Variants in DGKB observed in about 807,000 individuals in gnomAD.
The protein encoded by DGKB is 90 kDa diacylglycerol kinase.
Under a neutral mutation model 114.3 loss-of-function variants are expected in DGKB, and 67 were observed. The ratio of observed to expected loss-of-function variants is 0.59; its 90% CI spans 0.48 to 0.72. The LOEUF (loss-of-function observed/expected upper bound fraction) is 0.72, where lower values mean the gene tolerates loss of function less well. Ranked by LOEUF, DGKB falls within the 30% of genes least tolerant of loss-of-function variation. The probability of loss-of-function intolerance (pLI) is 0.00; values close to 1 mark genes in which losing one functional copy is unlikely to be tolerated. For missense variants in DGKB, 907 were observed against 975.2 expected, an observed-to-expected ratio of 0.93 and a Z score of 0.93; for synonymous variants, 398 against 323.1, an observed-to-expected ratio of 1.23 and a Z score of -2.49.
intron 23 of DGKB, among the ~76,000 whole-genome samples, chr7:14,323,573 G>A (rs776362335): frequency 6.6e-6 from 1 of 152,202 alleles, no homozygotes; most frequent in Non-Finnish European, 1.5e-5. Context: ...TGACCTGAAA[G>A]AAGCAAGTGA....
In DGKB at chr7:14,730,701, G is replaced by A. The variant is rs930189725; in HGVS notation, c.322+5340C>T. 2.0e-5 allele frequency among the ~76,000 whole-genome samples: 3 copies of A among 152,106 alleles called. No individual in the cohort carries two copies. In the South Asian group the frequency reaches 6.2e-4, roughly 31 times the overall value. On this transcript the variant is annotated intron_variant, in intron 5 of 25. Transcript: ENST00000402815. ...TTCTTCACTGTGACTCTGGATCCTGGAGTCTCATAAAGGTTACTTCAGGTG... is the reference window on the plus strand; with the variant it reads ...TTCTTCACTGTGACTCTGGATCCTGAAGTCTCATAAAGGTTACTTCAGGTG...
intron 9 of DGKB, among the ~76,000 whole-genome samples, chr7:14,692,886 A>G (rs1390064837): frequency 6.6e-6 from 1 of 152,028 alleles, no homozygotes; most frequent in Non-Finnish European, 1.5e-5. Flanking sequence ...CTTGAAACCT[A>G]TTATTTTTTC....
chr7:14,805,005 A>G (rs1387747301), intron 2 of DGKB, among the ~76,000 whole-genome samples: 1 of 151,740 alleles, frequency 6.6e-6, no homozygotes, highest in Non-Finnish European at 1.5e-5. Flanking sequence ...TCTGATTTTC[A>G]TTCAATTGGT....
chr7:14,789,385 ATG>A (rs2128503621), intron 2 of DGKB, among the ~76,000 whole-genome samples: 1 of 152,184 alleles, frequency 6.6e-6, no homozygotes, highest in African/African-American at 2.4e-5. Flanking sequence ...CTTTTCAAAA[ATG>A]CTATGTGCAT....
At chr7:14,971,177 A>C (rs921670982) in intron 1 of DGKB, among the ~76,000 whole-genome samples, 1 of 152,096 alleles carries the variant, frequency 6.6e-6, no homozygotes, top group African/African-American at 2.4e-5. Flanking sequence ...GCTTTTTTCA[A>C]CTCAAAATAT....
chr7:14,864,040 G>A (rs971215333), intron 1 of DGKB, among the ~76,000 whole-genome samples: 12 of 147,782 alleles, frequency 8.1e-5, no homozygotes, highest in Admixed American at 4.1e-4. Flanking sequence ...CAGAGGTTGC[G>A]ATCAGCCAAG....
chr7:14,231,568 TTA>T (rs1463072225), intron 23 of DGKB, among the ~76,000 whole-genome samples: 1 of 147,864 alleles, frequency 6.8e-6, no homozygotes, highest in African/African-American at 2.5e-5. Flanking sequence ...TATGCATATT[TTA>T]TGTGTGTATA....
At chr7:14,285,072 C>T (rs1363771469) in intron 23 of DGKB, among the ~76,000 whole-genome samples, 1 of 151,688 alleles carries the variant, frequency 6.6e-6, no homozygotes, top group African/African-American at 2.4e-5. Flanking sequence ...ACTGCTAAAC[C>T]TTACTTAGTG....
intron 20 of DGKB, among the ~76,000 whole-genome samples, chr7:14,488,520 T>C (rs1784142817): frequency 6.6e-6 from 1 of 152,120 alleles, no homozygotes; most frequent in South Asian, 2.1e-4. Context: ...AGGCGTTTAT[T>C]TTAAATCTCT....
At chr7:14,864,806 A>AAT (rs1554314630) in intron 1 of DGKB, among the ~76,000 whole-genome samples, 1 of 151,824 alleles carries the variant, frequency 6.6e-6, no homozygotes, top group Non-Finnish European at 1.5e-5. Context: ...AAAAAAAAAA[A>AAT]ATATGGGGCT....
chr7:14,729,555 G>GT (rs1182442725), intron 5 of DGKB, among the ~76,000 whole-genome samples: 2 of 152,164 alleles, frequency 1.3e-5, no homozygotes, highest in African/African-American at 4.8e-5. Context: ...GAATAGAAAT[G>GT]TGTATGTTGA....
At chr7:14,178,195 A>AC in intron 23 of DGKB, 44 bp from the exon 24 acceptor site, 1 of 1,594,880 alleles carries the variant, frequency 6.3e-7, no homozygotes, top group Non-Finnish European at 8.5e-7. Flanking sequence ...GTGTATACAT[A>AC]TGTCCACAAT....
chr7:14,666,529 A>G (rs1818053652), intron 13 of DGKB, among the ~76,000 whole-genome samples: 1 of 152,014 alleles, frequency 6.6e-6, no homozygotes, highest in South Asian at 2.1e-4. Flanking sequence ...AGAACCAAGA[A>G]TGCATTTTTT....
intron 21 of DGKB, among the ~76,000 whole-genome samples, chr7:14,418,081 C>T (rs1583787398): frequency 6.7e-6 from 1 of 149,470 alleles, no homozygotes; most frequent in African/African-American, 2.4e-5. Flanking sequence ...TATATTGCTG[C>T]ATTACACAGC....
chr7:14,706,012 C>G (rs1826159004), intron 6 of DGKB, among the ~76,000 whole-genome samples: 1 of 151,478 alleles, frequency 6.6e-6, no homozygotes, highest in African/African-American at 2.4e-5. Context: ...TTAAAAGACA[C>G]AGACTGGCAA....
Position 14,622,671 on chromosome 7 carries a change from T to C in DGKB, c.1168-1177A>G, listed in dbSNP as rs186712033. Reference sequence around the variant, plus strand: ...CCATTATCTTTTTGTGCTTGGATTATTGTAACTATCACCTAATGAATCATT... The same window carrying C: ...CCATTATCTTTTTGTGCTTGGATTACTGTAACTATCACCTAATGAATCATT... On this transcript the variant is annotated intron_variant, in intron 14 of 25. Coordinates refer to ENST00000402815, the MANE Select transcript of DGKB (RefSeq NM_001350709.2). Among the ~76,000 whole-genome samples, 4 of 152,304 alleles carry C rather than the reference T, an allele frequency of 2.6e-5. No homozygotes were observed. The East Asian group carries it at 5.8e-4, about 22-fold the overall frequency.
At chr7:14,627,268 A>G (rs1808757696) in intron 14 of DGKB, among the ~76,000 whole-genome samples, 1 of 151,988 alleles carries the variant, frequency 6.6e-6, no homozygotes, top group Non-Finnish European at 1.5e-5. Flanking sequence ...TCTTTTTGGG[A>G]GACGGGGGAC....
intron 2 of DGKB, among the ~76,000 whole-genome samples, chr7:14,821,098 T>C (rs1484761181): frequency 1.3e-5 from 2 of 152,138 alleles, no homozygotes; most frequent in African/African-American, 4.8e-5. Flanking sequence ...TTTAAGTCAA[T>C]AACATACCTT....
At chr7:14,798,765 G>T (rs1380107510) in intron 2 of DGKB, among the ~76,000 whole-genome samples, 1 of 152,138 alleles carries the variant, frequency 6.6e-6, no homozygotes, top group Non-Finnish European at 1.5e-5. Context: ...GGTCCAGTGG[G>T]TCCCCACACC....
Sources: allele counts gnomAD v4.1 joint callset (sites outside exome capture counted in the v4.1 genomes callset), GRCh38; gene constraint gnomAD v4.1.1; transcripts MANE v1.5; gene names NCBI Gene and HGNC (gene_info 2026-07-23, HGNC 2026-07-21).